Variants in ARHGAP15 observed in about 807,000 individuals in gnomAD.
ARHGAP15 encodes rho GTPase-activating protein 15.
In ARHGAP15, 51 loss-of-function variants were observed where a neutral mutation model predicts 63.7. That is an observed-to-expected ratio of 0.80 (90% CI 0.64 to 1.01). The LOEUF is 1.01. Ranked by LOEUF, ARHGAP15 falls within the 50% of genes least tolerant of loss-of-function variation. The pLI is 0.00. For synonymous variants in ARHGAP15, 191 were observed against 193.8 expected, an observed-to-expected ratio of 0.99 and a Z score of 0.12; for missense variants, 560 against 564.6, an observed-to-expected ratio of 0.99 and a Z score of 0.08.
chr2:143,604,034 C>T (rs1281410711), intron 11 of ARHGAP15, among the ~76,000 whole-genome samples: 7 of 152,058 alleles, frequency 4.6e-5, no homozygotes, highest in Admixed American at 4.6e-4. Context: ...TATCAAAAAC[C>T]ATTTCCTGAC....
intron 6 of ARHGAP15, among the ~76,000 whole-genome samples, chr2:143,357,430 A>G (rs992491729): frequency 6.6e-6 from 1 of 152,212 alleles, no homozygotes; most frequent in African/African-American, 2.4e-5. Context: ...ATACAAAAAA[A>G]GAAAATGTGC....
At chr2:143,137,722 G>A (rs1431034791) in intron 1 of ARHGAP15, among the ~76,000 whole-genome samples, 1 of 152,038 alleles carries the variant, frequency 6.6e-6, no homozygotes, top group Non-Finnish European at 1.5e-5. Context: ...TTTCCTAAAA[G>A]AGTCAAAACA....
intron 12 of ARHGAP15, among the ~76,000 whole-genome samples, chr2:143,642,463 C>T (rs1296911856): frequency 6.6e-6 from 1 of 152,020 alleles, no homozygotes; most frequent in African/African-American, 2.4e-5. Context: ...TGAGGAAACC[C>T]TCAGGTGATC....
intron 6 of ARHGAP15, among the ~76,000 whole-genome samples, chr2:143,350,586 G>C (rs769233245): frequency 1.3e-5 from 2 of 151,032 alleles, no homozygotes; most frequent in Non-Finnish European, 3.0e-5. Flanking sequence ...TTGGGAGGCC[G>C]AGGGGGGTGG....
At chr2:143,349,697 C>T (rs528228191) in intron 6 of ARHGAP15, among the ~76,000 whole-genome samples, 3 of 152,260 alleles carry the variant, frequency 2.0e-5, no homozygotes, top group African/African-American at 4.8e-5. Flanking sequence ...TGTAGCTTTT[C>T]CTGTGTTTCA....
At chr2:143,202,100 T>C (rs1692142263) in intron 2 of ARHGAP15, 34 bp from the exon 3 acceptor site, 2 of 1,548,940 alleles carry the variant, frequency 1.3e-6, no homozygotes, top group Non-Finnish European at 1.8e-6. Flanking sequence ...CAAGAAAAAT[T>C]ATGTAATAAT....
At chr2:143,374,687 G>T (rs1049048399) in intron 6 of ARHGAP15, among the ~76,000 whole-genome samples, 10 of 152,076 alleles carry the variant, frequency 6.6e-5, no homozygotes, top group African/African-American at 2.4e-4. Flanking sequence ...ATTTTTTGTA[G>T]AGATAGGGTC....
At chr2:143,703,705 C>T (rs1684196532) in intron 13 of ARHGAP15, 181 bp downstream of exon 13, 1 of 493,198 alleles carries the variant, frequency 2.0e-6, no homozygotes, top group Non-Finnish European at 3.5e-6. Context: ...GGACAATCTA[C>T]AAAAGGAACT....
At chr2:143,634,725 T>G (rs921104837) in intron 12 of ARHGAP15, among the ~76,000 whole-genome samples, 2 of 152,190 alleles carry the variant, frequency 1.3e-5, no homozygotes, top group Admixed American at 6.5e-5. Context: ...ATGTTTCATA[T>G]GACAGGATAT....
intron 5 of ARHGAP15, among the ~76,000 whole-genome samples, chr2:143,243,460 A>G (rs539457690): frequency 1.3e-5 from 2 of 152,258 alleles, no homozygotes; most frequent in South Asian, 2.1e-4. Flanking sequence ...AGTCATTTCT[A>G]TTTTAAGTTT....
At chr2:143,157,772 T>C (rs1292591367) in intron 2 of ARHGAP15, among the ~76,000 whole-genome samples, 1 of 151,878 alleles carries the variant, frequency 6.6e-6, no homozygotes, top group Non-Finnish European at 1.5e-5. Flanking sequence ...GTAAAGTATT[T>C]TGGCATATTT....
At chr2:143,348,807 A>G (rs915007382) in intron 6 of ARHGAP15, among the ~76,000 whole-genome samples, 2 of 152,186 alleles carry the variant, frequency 1.3e-5, no homozygotes, top group Admixed American at 1.3e-4. Flanking sequence ...TGTCATTTCA[A>G]TACTGATCTT....
chr2:143,588,239 C>T (rs1697185166), intron 11 of ARHGAP15, among the ~76,000 whole-genome samples: 1 of 152,134 alleles, frequency 6.6e-6, no homozygotes, highest in African/African-American at 2.4e-5. Context: ...CTCAGTTGCT[C>T]TAAGTACTTA....
chr2:143,702,064 GGAA>G (rs1684113574), intron 12 of ARHGAP15, among the ~76,000 whole-genome samples: 2 of 152,164 alleles, frequency 1.3e-5, no homozygotes, highest in African/African-American at 2.4e-5. Flanking sequence ...GTCTTGCTAA[GGAA>G]GAAGAGAATG....
intron 12 of ARHGAP15, among the ~76,000 whole-genome samples, chr2:143,677,719 A>C (rs1559121035): frequency 6.6e-6 from 1 of 152,236 alleles, no homozygotes; most frequent in Non-Finnish European, 1.5e-5. Flanking sequence ...GTGCCTTCAT[A>C]TAATGAAGTT....
At chr2:143,712,816 A>AAC (rs397761576) in intron 13 of ARHGAP15, among the ~76,000 whole-genome samples, 3 of 150,516 alleles carry the variant, frequency 2.0e-5, no homozygotes, top group Non-Finnish European at 4.4e-5. Context: ...AAAAAAAAAA[A>AAC]CCCACAGGAA....
intron 11 of ARHGAP15, among the ~76,000 whole-genome samples, chr2:143,622,337 T>C (rs1698674826): frequency 6.6e-6 from 1 of 152,098 alleles, no homozygotes; most frequent in East Asian, 1.9e-4. Flanking sequence ...AATTTTATTA[T>C]AAGGGCACGC....
chr2:143,363,195 C>T (rs1009373789), intron 6 of ARHGAP15, among the ~76,000 whole-genome samples: 1 of 152,106 alleles, frequency 6.6e-6, no homozygotes, highest in African/African-American at 2.4e-5. Flanking sequence ...TTTTTTGGAA[C>T]ATGTTAACTC....
intron 5 of ARHGAP15, among the ~76,000 whole-genome samples, chr2:143,232,608 C>G (rs571681257): frequency 7.9e-5 from 12 of 152,168 alleles, no homozygotes; most frequent in Non-Finnish European, 1.5e-4. Flanking sequence ...TGCATAAGCA[C>G]TACCCAGGAT....
Sources: allele counts gnomAD v4.1 joint callset (sites outside exome capture counted in the v4.1 genomes callset), GRCh38; gene constraint gnomAD v4.1.1; transcripts MANE v1.5; gene names NCBI Gene and HGNC (gene_info 2026-07-23, HGNC 2026-07-21).